Variants in EEIG2 observed in about 807,000 individuals in gnomAD.
EEIG2 encodes family with sequence similarity 102 member B.
chr1:108,601,678 A>C, the EEIG2 span, among the ~76,000 whole-genome samples: 150,299 of 152,196 alleles, frequency 0.99, 74,247 homozygotes, highest in East Asian at 1. Flanking sequence ...TTTTAAAAAT[A>C]AACAACCATT....
the EEIG2 span, among the ~76,000 whole-genome samples, chr1:108,584,540 A>G: frequency 6.6e-6 from 1 of 152,198 alleles, no homozygotes; most frequent in Non-Finnish European, 1.5e-5. Context: ...CATCGCTAGC[A>G]TAGCATAAGA....
the EEIG2 span, among the ~76,000 whole-genome samples, chr1:108,586,615 A>G: frequency 1.3e-5 from 2 of 152,126 alleles, no homozygotes; most frequent in Non-Finnish European, 2.9e-5. Context: ...TTGGGAGGGC[A>G]TCCTAAAGGA....
chr1:108,629,614 C>T, the EEIG2 span: 6 of 1,611,140 alleles, frequency 3.7e-6, no homozygotes, highest in South Asian at 6.6e-5. Flanking sequence ...ATTTGTGGGT[C>T]CTGGGGGAAG....
At chr1:108,624,761 G>A in the EEIG2 span, 2 of 1,603,806 alleles carry the variant, frequency 1.2e-6, no homozygotes, top group Non-Finnish European at 1.7e-6. Context: ...ATGGATGTGT[G>A]GCTTACTGGT....
At chr1:108,560,435 A>G in the EEIG2 span, 4 of 1,605,394 alleles carry the variant, frequency 2.5e-6, no homozygotes, top group Non-Finnish European at 3.4e-6. Flanking sequence ...CACGATGATG[A>G]AGAAGAAGAA....
chr1:108,606,366 T>A, the EEIG2 span: 329 of 588,884 alleles, frequency 5.6e-4, no homozygotes, highest in African/African-American at 5.8e-3. Flanking sequence ...TTGGCTCTTT[T>A]TGTATGCAAC....
the EEIG2 span, among the ~76,000 whole-genome samples, chr1:108,566,731 A>G: frequency 6.6e-6 from 1 of 152,238 alleles, no homozygotes; most frequent in African/African-American, 2.4e-5. Context: ...ATTTGTGACA[A>G]CATGGATGAA....
chr1:108,560,475 A>G, the EEIG2 span: 1 of 1,613,252 alleles, frequency 6.2e-7, no homozygotes, highest in Non-Finnish European at 8.5e-7. Context: ...TTCGAGCTCG[A>G]GGAGCTCTCC....
the EEIG2 span, among the ~76,000 whole-genome samples, chr1:108,563,586 C>T: frequency 2.0e-5 from 3 of 151,752 alleles, no homozygotes; most frequent in East Asian, 5.8e-4. Context: ...ATAGAGAGAC[C>T]CAAATATATA....
At chr1:108,621,907 A>G in the EEIG2 span, among the ~76,000 whole-genome samples, 1 of 152,138 alleles carries the variant, frequency 6.6e-6, no homozygotes, top group African/African-American at 2.4e-5. Context: ...CTGTAATCCC[A>G]ACACTTTGGG....
chr1:108,560,343 A>G, the EEIG2 span: 17 of 1,068,956 alleles, frequency 1.6e-5, no homozygotes, highest in South Asian at 1.2e-4. Flanking sequence ...GGCCCCGGCC[A>G]TGGGGCTGGG....
chr1:108,574,628 G>C, the EEIG2 span, among the ~76,000 whole-genome samples: 7 of 152,198 alleles, frequency 4.6e-5, no homozygotes, highest in Non-Finnish European at 1.5e-5. Context: ...GCAGGTGCCT[G>C]TAATCCCAGC....
the EEIG2 span, among the ~76,000 whole-genome samples, chr1:108,603,480 T>C: frequency 6.6e-6 from 1 of 152,158 alleles, no homozygotes; most frequent in African/African-American, 2.4e-5. Flanking sequence ...TCCAGTCCGC[T>C]CAATCCCTTC....
the EEIG2 span, among the ~76,000 whole-genome samples, chr1:108,585,545 G>C: frequency 6.6e-6 from 1 of 152,052 alleles, no homozygotes; most frequent in East Asian, 1.9e-4. Context: ...ACTCAAGGAA[G>C]GTCCCAGCAT....
At chr1:108,573,108 A>C in the EEIG2 span, among the ~76,000 whole-genome samples, 1 of 152,214 alleles carries the variant, frequency 6.6e-6, no homozygotes, top group Non-Finnish European at 1.5e-5. Flanking sequence ...TCATTTGGTT[A>C]AACACTGAGG....
the EEIG2 span, among the ~76,000 whole-genome samples, chr1:108,586,312 GGGGT>G: frequency 1.2e-5 from 1 of 82,822 alleles, no homozygotes; most frequent in Non-Finnish European, 2.4e-5. Context: ...TTTACGCAGA[GGGGT>G]GTGTGTGTGT....
chr1:108,628,190 G>T, the EEIG2 span: 1 of 1,614,166 alleles, frequency 6.2e-7, no homozygotes, highest in Non-Finnish European at 8.5e-7. Flanking sequence ...GAGTGCCTCT[G>T]TTCCAGACGA....
chr1:108,568,134 T>A, the EEIG2 span, among the ~76,000 whole-genome samples: 6 of 152,156 alleles, frequency 3.9e-5, no homozygotes, highest in Admixed American at 2.0e-4. Context: ...AAAAATAGTA[T>A]TAATGCCATT....
At chr1:108,635,006 GAAAA>G in the EEIG2 span, 1 of 1,077,506 alleles carries the variant, frequency 9.3e-7, no homozygotes, top group Non-Finnish European at 1.4e-6. Flanking sequence ...AAATCTAGTA[GAAAA>G]ATACCCAGTG....
Sources: gnomAD v4.1 joint callset for allele counts (sites outside exome capture counted in the v4.1 genomes callset) on GRCh38, gnomAD v4.1.1 for gene constraint, MANE v1.5 for transcripts, NCBI Gene and HGNC (gene_info 2026-07-23, HGNC 2026-07-21) for gene names.